GLI2: variants seen among roughly 807,000 people sequenced by gnomAD.
GLI2 encodes GLI family zinc finger 2, also known as transcription activator GLI2.
A neutral mutation model predicts 78.9 loss-of-function variants in GLI2; 22 were observed. The observed-to-expected ratio is 0.28, with a 90% CI of 0.20 to 0.40. The LOEUF (loss-of-function observed/expected upper bound fraction) is 0.40, where lower values mean the gene tolerates loss of function less well. Among genes scored for constraint, GLI2 ranks in the 10% least tolerant of loss-of-function variants. The pLI, the probability that GLI2 is intolerant of heterozygous loss-of-function variation, is 1.00. For missense variants in GLI2, 2,097 were observed against 2,213.2 expected (o/e 0.95, Z 1.05); for synonymous variants, 974 against 963.7 (o/e 1.01, Z -0.20).
In GLI2 at chr2:120,991,006, C is replaced by G. The variant is rs1248783347; in HGVS notation, c.*331C>G. ...CTGACATTCGGCTAACGAGGGATTA[C>G]TTTGGCCAAAACCTTTCAAAGGATA... On this transcript the variant is annotated 3_prime_UTR_variant, in exon 14 of 14. Transcript: ENST00000361492. The G allele has an allele frequency of 3.4e-6, 1 of 294,458 alleles. No homozygotes were observed. Among genetic ancestry groups the G allele is most frequent in the Non-Finnish European group, 6.3e-6 (1 of 158,006 alleles). 18.2% of individuals were successfully genotyped at this position (294,458 alleles called of 1,614,324 possible).
At chr2:120,841,848 G>GGTGTGTGTGTGTGTGTGTGT (rs555474895) in intron 2 of GLI2, among the ~76,000 whole-genome samples, 2,817 of 132,542 alleles carry the variant, frequency 0.021, 79 homozygotes, top group Middle Eastern at 0.036. Context: ...CAGTCTGGAG[G>GGTGTGTGTGTGTGTGTGTGT]GTGTGTGTGT....
At chr2:120,752,532 G>A (rs1212139817) in intron 1 of GLI2, among the ~76,000 whole-genome samples, 18 of 152,136 alleles carry the variant, frequency 1.2e-4, no homozygotes, top group Admixed American at 1.2e-3. Flanking sequence ...GCCTCCTAAA[G>A]TGCTGGGATT....
chr2:120,801,841 G>A (rs1382862383), intron 2 of GLI2, among the ~76,000 whole-genome samples: 1 of 152,216 alleles, frequency 6.6e-6, no homozygotes, highest in Non-Finnish European at 1.5e-5. Flanking sequence ...GCTTGCCCAA[G>A]GCTACCAGCT....
chr2:120,758,527 G>C (rs1158937717), intron 1 of GLI2, among the ~76,000 whole-genome samples: 1 of 152,220 alleles, frequency 6.6e-6, no homozygotes, highest in Non-Finnish European at 1.5e-5. Flanking sequence ...CAGATGTTCA[G>C]CCTGCGCCCC....
chr2:120,818,776 C>G (rs1287031976), intron 2 of GLI2, among the ~76,000 whole-genome samples: 1 of 152,196 alleles, frequency 6.6e-6, no homozygotes, highest in African/African-American at 2.4e-5. Context: ...ATTCAAAAGG[C>G]ATTTAGATGT....
intron 5 of GLI2, among the ~76,000 whole-genome samples, chr2:120,959,037 G>T (rs998779069): frequency 9.2e-5 from 14 of 152,234 alleles, no homozygotes; most frequent in Admixed American, 6.5e-5. Context: ...CTCGAGGAAT[G>T]TAGCTGTTGG....
At chr2:120,832,853 G>T (rs1686430732) in intron 2 of GLI2, among the ~76,000 whole-genome samples, 1 of 152,128 alleles carries the variant, frequency 6.6e-6, no homozygotes, top group Non-Finnish European at 1.5e-5. Context: ...TCCTCCACAG[G>T]GCAGCAGCAG....
chr2:120,847,249 T>C (rs1055841947), intron 2 of GLI2, among the ~76,000 whole-genome samples: 1 of 152,082 alleles, frequency 6.6e-6, no homozygotes. Context: ...CATCCTGGGA[T>C]GGGCCCAAAA....
chr2:120,882,004 A>G (rs1677178254), intron 2 of GLI2, among the ~76,000 whole-genome samples: 1 of 152,068 alleles, frequency 6.6e-6, no homozygotes, highest in Admixed American at 6.5e-5. Context: ...ATAGGGGACA[A>G]CTAAGGCCCT....
chr2:120,896,232 CCG>C (rs1345487524), intron 2 of GLI2, among the ~76,000 whole-genome samples: 1 of 151,630 alleles, frequency 6.6e-6, no homozygotes, highest in East Asian at 2.0e-4. Context: ...CACCCTCTCT[CCG>C]CCCCACCCTG....
chr2:120,743,454 T>A (rs1372710481), intron 1 of GLI2, among the ~76,000 whole-genome samples: 2 of 148,456 alleles, frequency 1.3e-5, no homozygotes, highest in South Asian at 2.1e-4. Context: ...AAAATAAAAA[T>A]AAAAAAAGAA....
At chr2:120,985,081 C>T (rs955302594) in intron 12 of GLI2, among the ~76,000 whole-genome samples, 1 of 152,216 alleles carries the variant, frequency 6.6e-6, no homozygotes, top group Admixed American at 6.5e-5. Context: ...TGCCAGCCCC[C>T]ACTCCTCTGT....
intron 2 of GLI2, among the ~76,000 whole-genome samples, chr2:120,836,591 A>G (rs1686623369): frequency 6.6e-6 from 1 of 152,210 alleles, no homozygotes; most frequent in Non-Finnish European, 1.5e-5. Context: ...AGGGGTTTAT[A>G]AAATCAATTT....
intron 2 of GLI2, among the ~76,000 whole-genome samples, chr2:120,926,672 G>A (rs1050051143): frequency 3.9e-5 from 6 of 152,120 alleles, no homozygotes; most frequent in African/African-American, 9.7e-5. Context: ...ATGATTTGTC[G>A]AGGGCAGGCC....
chr2:120,914,624 C>T (rs2104825170), intron 2 of GLI2, among the ~76,000 whole-genome samples: 1 of 152,320 alleles, frequency 6.6e-6, no homozygotes, highest in East Asian at 1.9e-4. Flanking sequence ...TGGCGGGGAT[C>T]TCCCAGGTGT....
intron 2 of GLI2, among the ~76,000 whole-genome samples, chr2:120,862,904 G>T (rs1044774326): frequency 1.3e-5 from 2 of 152,190 alleles, no homozygotes; most frequent in African/African-American, 2.4e-5. Flanking sequence ...ATTGTAGCTC[G>T]TATCTCTTTC....
intron 5 of GLI2, among the ~76,000 whole-genome samples, chr2:120,961,545 T>C (rs140704877): frequency 5.5e-4 from 84 of 152,326 alleles, no homozygotes; most frequent in African/African-American, 1.5e-3. Context: ...CAGCACAGCC[T>C]GTTTCTCTGT....
chr2:120,936,536 GC>G (rs1447004340), intron 3 of GLI2, among the ~76,000 whole-genome samples: 1 of 152,168 alleles, frequency 6.6e-6, no homozygotes, highest in East Asian at 1.9e-4. Flanking sequence ...ATCTCACCAA[GC>G]CAGAGCTCTT....
At chr2:120,971,670 T>G (rs2105024272) in intron 7 of GLI2, among the ~76,000 whole-genome samples, 2 of 152,244 alleles carry the variant, frequency 1.3e-5, no homozygotes, top group African/African-American at 4.8e-5. Flanking sequence ...CCCTGCATTT[T>G]CCAAAGAGAA....
Sources: gnomAD v4.1 joint callset for allele counts (sites outside exome capture counted in the v4.1 genomes callset) on GRCh38, gnomAD v4.1.1 for gene constraint, MANE v1.5 for transcripts, NCBI Gene and HGNC (gene_info 2026-07-23, HGNC 2026-07-21) for gene names.